PLCG2: variants seen among roughly 807,000 people sequenced by gnomAD.
PLCG2 encodes the protein phospholipase C gamma 2, also known as 1-phosphatidylinositol 4,5-bisphosphate phosphodiesterase gamma-2.
Under a neutral mutation model 175.6 loss-of-function variants are expected in PLCG2, and 69 were observed. That is an observed-to-expected ratio of 0.39 (90% CI 0.32 to 0.48). The LOEUF is 0.48. Ranked by LOEUF, PLCG2 falls within the 20% of genes least tolerant of loss-of-function variation. The pLI is 0.91. For synonymous variants in PLCG2, 827 were observed against 624.0 expected (o/e 1.33, Z -4.85); for missense variants, 1,798 against 1,650.9 (o/e 1.09, Z -1.54).
chr16:81,844,143 A>ATTTTTTTTTTTTTTTTTTTTT (rs60183943), intron 2 of PLCG2, among the ~76,000 whole-genome samples: 3 of 93,912 alleles, frequency 3.2e-5, no homozygotes, highest in Non-Finnish European at 6.0e-5. Context: ...CACCCGGCTG[A>ATTTTTTTTTTTTTTTTTTTTT]TTTTTTTTTT....
rs1001549363 is a variant in PLCG2 at position 81,936,261 on chromosome 16, C to T, written c.2935C>T (p.Gln979Ter). ...QKPVDLLKYN[Q>*]KGLTRVYPKG... is the part of the protein sequence containing the mutation. Reference sequence around the variant, plus strand: ...GCCCGTCGACCTCCTGAAGTACAATCAAAAGGGCCTGACCCGCGTCTACCC... The same window carrying T: ...GCCCGTCGACCTCCTGAAGTACAATTAAAAGGGCCTGACCCGCGTCTACCC... Residue 979 changes from glutamine (Q) to a stop codon, truncating the protein, a stop_gained, in exon 27 of 33, where the codon CAA becomes TAA. Coordinates refer to ENST00000564138, the MANE Select transcript of PLCG2 (RefSeq NM_002661.5). LOFTEE classifies it high-confidence loss of function. 1 of 1,614,148 alleles carries T rather than the reference C, an allele frequency of 6.2e-7. No individual in the cohort carries two copies.
intron 2 of PLCG2, among the ~76,000 whole-genome samples, chr16:81,830,302 CTTT>C (rs1905208574): frequency 2.0e-5 from 3 of 151,994 alleles, no homozygotes; most frequent in African/African-American, 7.2e-5. Flanking sequence ...AGTGTCTTGT[CTTT>C]TTCTTCTTCT....
chr16:81,795,519 G>A lies in PLCG2; in HGVS notation c.193+9337G>A, dbSNP rs967253394. The stretch of plus-strand genomic sequence containing the variant: ...CATGATCCAGTGGGATTGGGGGTGG[G>A]ACTCTGCTGTCTGATCACAATGGGA... On this transcript the variant is annotated intron_variant, in intron 2 of 32. Transcript: ENST00000564138. Among the ~76,000 whole-genome samples the A allele has an allele frequency of 3.9e-5, 6 of 152,184 alleles. No homozygotes were observed. In the South Asian group the frequency reaches 1.2e-3, roughly 32 times the overall value.
chr16:81,851,030 A>G (rs757115780), intron 2 of PLCG2, among the ~76,000 whole-genome samples: 1 of 152,156 alleles, frequency 6.6e-6, no homozygotes, highest in Admixed American at 6.5e-5. Flanking sequence ...AGCTTGTAGT[A>G]GAAGTCCTCA....
intron 15 of PLCG2, among the ~76,000 whole-genome samples, chr16:81,907,175 AG>A (rs1909410530): frequency 1.3e-5 from 2 of 152,122 alleles, no homozygotes; most frequent in African/African-American, 4.8e-5. Flanking sequence ...ATTAAAAAAA[AG>A]AGTTTCTGCA....
chr16:81,916,475 CAAAT>C (rs1909846730), intron 19 of PLCG2, among the ~76,000 whole-genome samples: 1 of 151,774 alleles, frequency 6.6e-6, no homozygotes, highest in Admixed American at 6.6e-5. Context: ...ATTTAATTGA[CAAAT>C]AAAAGTTGTT....
chr16:81,850,003 C>T (rs1371168635), intron 2 of PLCG2, among the ~76,000 whole-genome samples: 2 of 152,136 alleles, frequency 1.3e-5, no homozygotes, highest in Non-Finnish European at 2.9e-5. Context: ...ATGTTGATTT[C>T]CTCTAAAAAT....
At chr16:81,788,046 T>C (rs1324849848) in intron 2 of PLCG2, among the ~76,000 whole-genome samples, 5 of 152,194 alleles carry the variant, frequency 3.3e-5, no homozygotes, top group African/African-American at 1.2e-4. Flanking sequence ...CAAGTTTTTG[T>C]GTGGATGTCT....
upstream of PLCG2, among the ~76,000 whole-genome samples, chr16:81,778,051 A>ACAAACAAACAAAC (rs1597311877): frequency 6.3e-5 from 5 of 79,188 alleles, no homozygotes; most frequent in African/African-American, 1.3e-4. Flanking sequence ...AACAAAAAAA[A>ACAAACAAACAAAC]AAACAAAAAA....
chr16:81,946,354 T>A, intron 31 of PLCG2, 91 bp downstream of exon 31: 1 of 894,402 alleles, frequency 1.1e-6, no homozygotes, highest in Non-Finnish European at 1.9e-6. Flanking sequence ...CAGATGGACT[T>A]AAGCCCATTC....
At chr16:81,823,965 T>TTCCTTCC (rs1904924037) in intron 2 of PLCG2, among the ~76,000 whole-genome samples, 2 of 150,224 alleles carry the variant, frequency 1.3e-5, no homozygotes, top group South Asian at 2.1e-4. Context: ...TTCCCTTTCC[T>TTCCTTCC]TCCTTCCTTC....
chr16:81,826,511 T>C (rs565780421), intron 2 of PLCG2, among the ~76,000 whole-genome samples: 1 of 152,350 alleles, frequency 6.6e-6, no homozygotes, highest in East Asian at 1.9e-4. Flanking sequence ...AGGACCTATC[T>C]CACAGCAGTG....
intron 2 of PLCG2, among the ~76,000 whole-genome samples, chr16:81,830,219 C>T (rs1336335988): frequency 6.6e-6 from 1 of 152,114 alleles, no homozygotes; most frequent in Non-Finnish European, 1.5e-5. Flanking sequence ...ACTTAGGAGT[C>T]TGAGGTGGGA....
intron 2 of PLCG2, among the ~76,000 whole-genome samples, chr16:81,846,391 G>C (rs1204048602): frequency 6.6e-6 from 1 of 152,168 alleles, no homozygotes; most frequent in African/African-American, 2.4e-5. Flanking sequence ...TCCCACTCCT[G>C]CACTCTCCCA....
intron 2 of PLCG2, among the ~76,000 whole-genome samples, chr16:81,793,824 T>A (rs1301367120): frequency 6.6e-6 from 1 of 152,210 alleles, no homozygotes; most frequent in Non-Finnish European, 1.5e-5. Context: ...ATAAAGAGAT[T>A]GAGTCTTGGG....
chr16:81,781,198 ACC>A (rs1030259990), intron 1 of PLCG2, among the ~76,000 whole-genome samples: 6 of 152,224 alleles, frequency 3.9e-5, no homozygotes, highest in Non-Finnish European at 8.8e-5. Flanking sequence ...TCCTGGATTT[ACC>A]AGAAGATCAC....
intron 2 of PLCG2, among the ~76,000 whole-genome samples, chr16:81,846,095 C>A (rs187457572): frequency 1.3e-5 from 2 of 152,204 alleles, no homozygotes; most frequent in Non-Finnish European, 2.9e-5. Context: ...GCTCCATTTC[C>A]CAGCTGCTAG....
intron 2 of PLCG2, among the ~76,000 whole-genome samples, chr16:81,838,339 G>T (rs890194595): frequency 6.6e-6 from 1 of 152,132 alleles, no homozygotes. Flanking sequence ...TGCCTGCCTT[G>T]GCCTCCCAAA....
chr16:81,930,027 G>C (rs755743517), intron 24 of PLCG2, among the ~76,000 whole-genome samples: 2 of 152,140 alleles, frequency 1.3e-5, no homozygotes, highest in Non-Finnish European at 2.9e-5. Flanking sequence ...TTCTCTTAAT[G>C]AGCCTCAGTT....
Sources: gnomAD v4.1 joint callset for allele counts (sites outside exome capture counted in the v4.1 genomes callset) on GRCh38, gnomAD v4.1.1 for gene constraint, MANE v1.5 for transcripts, NCBI Gene and HGNC (gene_info 2026-07-23, HGNC 2026-07-21) for gene names.